Variants in AGAP1 observed in about 807,000 individuals in gnomAD.
The protein encoded by AGAP1 is ArfGAP with GTPase domain, ankyrin repeat and PH domain 1.
A neutral mutation model predicts 105.3 loss-of-function variants in AGAP1; 29 were observed. The observed-to-expected ratio is 0.28, with a 90% CI of 0.21 to 0.38. The LOEUF (loss-of-function observed/expected upper bound fraction) is 0.38. Among genes scored for constraint, AGAP1 ranks in the 10% least tolerant of loss-of-function variants. The probability of loss-of-function intolerance (pLI) is 1.00; values close to 1 mark genes in which losing one functional copy is unlikely to be tolerated. For missense variants in AGAP1, 998 were observed against 1,165.1 expected (o/e 0.86, Z 2.09); for synonymous variants, 509 against 485.9 (o/e 1.05, Z -0.63).
chr2:236,063,503 A>G (rs2058263344), intron 16 of AGAP1, among the ~76,000 whole-genome samples: 1 of 152,200 alleles, frequency 6.6e-6, no homozygotes, highest in Non-Finnish European at 1.5e-5. Context: ...AACAAGCAAA[A>G]CACACAAAAG....
chr2:235,844,493 G>A (rs1010226103), intron 9 of AGAP1, among the ~76,000 whole-genome samples: 3 of 152,130 alleles, frequency 2.0e-5, no homozygotes, highest in Non-Finnish European at 2.9e-5. Flanking sequence ...AATCTATTAT[G>A]CACTTTTGGG....
rs373194379 is a variant in AGAP1, at chr2:236,010,489, C to G, written c.1646-26072C>G. On this transcript the variant is annotated intron_variant, in intron 13 of 17. Transcript: ENST00000304032. ...TGAATTAAAGTTTCTATCACACTTT[C>G]TTTTCTAAGTGCATCACTGTTTGTG... Among the ~76,000 whole-genome samples the G allele has an allele frequency of 1.7e-4, 26 of 152,340 alleles. 1 individual carries two copies. In the South Asian group the frequency reaches 3.9e-3, roughly 23 times the overall value.
At chr2:235,526,507 C>A (rs1942844538) in intron 1 of AGAP1, among the ~76,000 whole-genome samples, 1 of 152,188 alleles carries the variant, frequency 6.6e-6, no homozygotes, top group African/African-American at 2.4e-5. Context: ...GCAGGAAAAT[C>A]ATTTGAAATT....
Position 235,964,079 on chromosome 2 carries a change from A to G in AGAP1, c.1484-4383A>G, listed in dbSNP as rs1575905956. ...CCCTGGGCACAGGCATGCTAGTTAGATTGAGATAAGCGACTGGCAGCCTCG... is the reference window on the plus strand; with the variant it reads ...CCCTGGGCACAGGCATGCTAGTTAGGTTGAGATAAGCGACTGGCAGCCTCG... On this transcript the variant is annotated intron_variant, in intron 12 of 17. Transcript: ENST00000304032. The surrounding 1 kb of genome is among the most constrained non-coding windows in gnomAD (Gnocchi z 4.6). Among the ~76,000 whole-genome samples, 1 of 152,132 alleles carries G rather than the reference A, an allele frequency of 6.6e-6. No individual in the cohort carries two copies. Among genetic ancestry groups the G allele is most frequent in the Non-Finnish European group, 1.5e-5 (1 of 68,018 alleles).
At chr2:235,805,571 A>G (rs1461074182) in intron 8 of AGAP1, among the ~76,000 whole-genome samples, 1 of 152,150 alleles carries the variant, frequency 6.6e-6, no homozygotes, top group Non-Finnish European at 1.5e-5. Flanking sequence ...TTTTAATGTT[A>G]TCACTGTGTG....
In AGAP1 at chr2:235,608,855, G is replaced by A. The variant is rs1250447454; in HGVS notation, c.164-100324G>A. ...GTGAAATTCGAATAGATTGTACGAA[G>A]GTTTGAGAGCTGGCATGACCCACTT... On this transcript the variant is annotated intron_variant, in intron 1 of 17. Coordinates refer to ENST00000304032, the MANE Select transcript of AGAP1 (RefSeq NM_001037131.3). This position sits in a 1 kb window ranked among gnomAD's most constrained non-coding sequence, Gnocchi z 5.4. 6.6e-6 allele frequency among the ~76,000 whole-genome samples: 1 copy of A among 152,148 alleles called. No homozygotes were observed. Among genetic ancestry groups the A allele is most frequent in the Non-Finnish European group, 1.5e-5 (1 of 68,032 alleles).
chr2:236,013,627 C>T (rs1418844916), intron 13 of AGAP1, among the ~76,000 whole-genome samples: 4 of 152,108 alleles, frequency 2.6e-5, no homozygotes, highest in Non-Finnish European at 4.4e-5. Context: ...ATTAAACAAA[C>T]GGCCACACAG....
At chr2:235,765,529 G>C (rs1045165600) in intron 6 of AGAP1, among the ~76,000 whole-genome samples, 1 of 152,128 alleles carries the variant, frequency 6.6e-6, no homozygotes, top group Non-Finnish European at 1.5e-5. Flanking sequence ...GCTCACTGCC[G>C]CGTGGTCAGT....
chr2:235,588,144 T>A (rs1388812941), intron 1 of AGAP1, among the ~76,000 whole-genome samples: 1 of 151,438 alleles, frequency 6.6e-6, no homozygotes, highest in African/African-American at 2.4e-5. Flanking sequence ...GCGGGAGAAT[T>A]GCTTGAACCC....
Position 235,889,381 on chromosome 2 carries a change from C to T in AGAP1, c.1155+5932C>T, listed in dbSNP as rs2050419023. Among the ~76,000 whole-genome samples the T allele has an allele frequency of 6.6e-6, 1 of 152,098 alleles. No individual in the cohort carries two copies. The highest frequency in any genetic ancestry group is 2.1e-4 in the South Asian group (1 of 4,806). ...CCTGGGAACCTCACGAATACTGATC[C>T]CCAGGGACTGCGTGTCTCCCTCAGA... is the stretch of plus-strand genomic sequence containing the variant. On this transcript the variant is annotated intron_variant, in intron 10 of 17. Coordinates refer to ENST00000304032, the MANE Select transcript of AGAP1 (RefSeq NM_001037131.3). This position sits in a 1 kb window ranked among gnomAD's most constrained non-coding sequence, Gnocchi z 4.6.
chr2:236,076,475 T>C lies in AGAP1; in HGVS notation c.2114+27194T>C, dbSNP rs2125817794. On this transcript the variant is annotated intron_variant, in intron 16 of 17. Coordinates refer to ENST00000304032, the MANE Select transcript of AGAP1 (RefSeq NM_001037131.3). This position sits in a 1 kb window ranked among gnomAD's most constrained non-coding sequence, Gnocchi z 4.4. ...AAAATAAAGTCTTGAGAATGTTCACTTCCTGACGGCTTTGCACATGGCCCA... is the reference window on the plus strand; with the variant it reads ...AAAATAAAGTCTTGAGAATGTTCACCTCCTGACGGCTTTGCACATGGCCCA... 6.6e-6 allele frequency among the ~76,000 whole-genome samples: 1 copy of C among 152,212 alleles called. No individual in the cohort carries two copies. The highest frequency in any genetic ancestry group is 1.5e-5 in the Non-Finnish European group (1 of 68,008).
Position 235,753,262 on chromosome 2 carries a change from A to C in AGAP1, c.673+2774A>C, listed in dbSNP as rs577807803. On this transcript the variant is annotated intron_variant, in intron 6 of 17. Transcript: ENST00000304032. This position sits in a 1 kb window ranked among gnomAD's most constrained non-coding sequence, Gnocchi z 4.5. ...ATAAGGACTGATATTTCTAAATATT[A>C]GTTTAAAATATTCAGAAAAAGCGTT... Among the ~76,000 whole-genome samples, 1 of 152,118 alleles carries C rather than the reference A, an allele frequency of 6.6e-6. No individual in the cohort carries two copies. Among genetic ancestry groups the C allele is most frequent in the Non-Finnish European group, 1.5e-5 (1 of 68,014 alleles).
rs150456942 is a variant in AGAP1 at position 235,610,673 on chromosome 2, C to T, written c.164-98506C>T. On this transcript the variant is annotated intron_variant, in intron 1 of 17. Transcript: ENST00000304032. The surrounding 1 kb of genome is among the most constrained non-coding windows in gnomAD (Gnocchi z 4.9). The stretch of plus-strand genomic sequence containing the variant: ...GAGCTCAATACAGCCCATAGCACAG[C>T]GCTTCCGCACACATCCACATTGCAG... Among the ~76,000 whole-genome samples, 14 of 152,254 alleles carry T rather than the reference C, an allele frequency of 9.2e-5. No individual in the cohort carries two copies. The highest frequency in any genetic ancestry group is 5.8e-4 in the East Asian group (3 of 5,164).
At chr2:236,037,325 CTA>C (rs1481253339) in intron 14 of AGAP1, 2 of 151,948 alleles carry the variant, frequency 1.3e-5, no homozygotes, top group African/African-American at 4.8e-5. Context: ...CCAAATGTTT[CTA>C]TATTAAAAAA....
intron 1 of AGAP1, among the ~76,000 whole-genome samples, chr2:235,515,299 C>T (rs1942333877): frequency 6.6e-6 from 1 of 152,040 alleles, no homozygotes; most frequent in Non-Finnish European, 1.5e-5. Context: ...GCACAGGCTG[C>T]CTGTGTATTT....
At chr2:235,554,816 C>A (rs1272524018) in intron 1 of AGAP1, among the ~76,000 whole-genome samples, 2 of 152,224 alleles carry the variant, frequency 1.3e-5, no homozygotes, top group South Asian at 2.1e-4. Context: ...ATTACAGGCG[C>A]CTGCCACCAT....
rs1407827581 is a variant in AGAP1, at chr2:236,035,095, C to T, written c.1646-1466C>T. Among the ~76,000 whole-genome samples the T allele has an allele frequency of 6.6e-6, 1 of 152,156 alleles. No homozygotes were observed. Among genetic ancestry groups the T allele is most frequent in the Non-Finnish European group, 1.5e-5 (1 of 68,016 alleles). Reference sequence around the variant, plus strand: ...GCCAGTCTAGGTGAGGTCAGTAAGCCGTGCTTGGAAGCTGGGCTAGAGGGA... The same window carrying T: ...GCCAGTCTAGGTGAGGTCAGTAAGCTGTGCTTGGAAGCTGGGCTAGAGGGA... On this transcript the variant is annotated intron_variant, in intron 13 of 17. Transcript: ENST00000304032. This position sits in a 1 kb window ranked among gnomAD's most constrained non-coding sequence, Gnocchi z 4.2.
rs561383132 is a variant in AGAP1, at chr2:236,104,202, G to A, written c.2115-15990G>A. On this transcript the variant is annotated intron_variant, in intron 16 of 17. Transcript: ENST00000304032. This position sits in a 1 kb window ranked among gnomAD's most constrained non-coding sequence, Gnocchi z 4.7. The stretch of plus-strand genomic sequence containing the variant: ...AGGCTGAGGGCCCGCTCCAGCAGCC[G>A]GGGCGCTGGTAGGGCCAGGCCTGTT... 5.3e-4 allele frequency among the ~76,000 whole-genome samples: 80 copies of A among 152,326 alleles called. No homozygotes were observed. The highest frequency in any genetic ancestry group is 7.6e-4 in the Non-Finnish European group (52 of 68,032).
chr2:236,036,448 C>A lies in AGAP1; in HGVS notation c.1646-113C>A. Reference sequence around the variant, plus strand: ...CGTGGTTGTCCAGTGCCGTGCGCCTCACCGGTCCATGCAGGGGCAGCTGAA... The same window carrying A: ...CGTGGTTGTCCAGTGCCGTGCGCCTAACCGGTCCATGCAGGGGCAGCTGAA... On this transcript the variant is annotated intron_variant, in intron 13 of 17. Transcript: ENST00000304032. This position sits in a 1 kb window ranked among gnomAD's most constrained non-coding sequence, Gnocchi z 5.7. 7.1e-7 allele frequency: 1 copy of A among 1,406,314 alleles called. No individual in the cohort carries two copies. The highest frequency in any genetic ancestry group is 9.7e-7 in the Non-Finnish European group (1 of 1,032,356). The allele number at this position is 1,406,314 out of a possible 1,614,324, so 87.1% of individuals were successfully genotyped here.
Sources: gnomAD v4.1 joint callset for allele counts (sites outside exome capture counted in the v4.1 genomes callset) on GRCh38, gnomAD v4.1.1 for gene constraint, Gnocchi (gnomAD v3.1) non-coding constraint, MANE v1.5 for transcripts, NCBI Gene and HGNC (gene_info 2026-07-23, HGNC 2026-07-21) for gene names.